The following EXOC4 variants were observed in gnomAD, a reference collection of about 807,000 sequenced individuals.
EXOC4 encodes exocyst complex component 4, also known as SEC8-like 1.
Under a neutral mutation model 107.2 loss-of-function variants are expected in EXOC4, and 71 were observed. That is an observed-to-expected ratio of 0.66 (90% CI 0.55 to 0.81). The LOEUF (loss-of-function observed/expected upper bound fraction) is 0.81. EXOC4 is among the 30% of genes least tolerant of loss of function. The pLI, the probability that EXOC4 is intolerant of heterozygous loss-of-function variation, is 0.00. For synonymous variants in EXOC4, 456 were observed against 441.2 expected, an observed-to-expected ratio of 1.03 and a Z score of -0.42; for missense variants, 1,108 against 1,189.6, an observed-to-expected ratio of 0.93 and a Z score of 1.01.
chr7:133,537,130 A>T (rs902801825), intron 9 of EXOC4, among the ~76,000 whole-genome samples: 1 of 150,956 alleles, frequency 6.6e-6, no homozygotes, highest in Non-Finnish European at 1.5e-5. Flanking sequence ...AATCCTTTAA[A>T]TTCACACTGT....
intron 9 of EXOC4, among the ~76,000 whole-genome samples, chr7:133,571,512 T>C (rs1055607516): frequency 3.9e-5 from 6 of 151,986 alleles, no homozygotes; most frequent in Admixed American, 2.0e-4. Flanking sequence ...CTACTAAATA[T>C]ACAAAAACTT....
chr7:133,977,737 T>TTG (rs767379582), intron 14 of EXOC4, among the ~76,000 whole-genome samples: 168 of 13,602 alleles, frequency 0.012, 1 homozygote, highest in African/African-American at 0.063. Flanking sequence ...GTTTTGTTGT[T>TTG]TTGTGTGTGT....
chr7:133,665,754 G>A (rs192158491), intron 10 of EXOC4, among the ~76,000 whole-genome samples: 1 of 152,158 alleles, frequency 6.6e-6, no homozygotes, highest in Admixed American at 6.6e-5. Context: ...TAAAACCCTG[G>A]TATGACTCTT....
At chr7:133,332,724 G>A (rs1035158781) in intron 5 of EXOC4, among the ~76,000 whole-genome samples, 4 of 152,228 alleles carry the variant, frequency 2.6e-5, no homozygotes, top group East Asian at 1.9e-4. Context: ...ACAGTTATTT[G>A]CCCTCTTTTT....
At chr7:133,982,614 G>A (rs1417494053) in intron 14 of EXOC4, among the ~76,000 whole-genome samples, 1 of 152,164 alleles carries the variant, frequency 6.6e-6, no homozygotes, top group Non-Finnish European at 1.5e-5. Flanking sequence ...CCTTTATTGA[G>A]GAGGAGGAGG....
intron 10 of EXOC4, among the ~76,000 whole-genome samples, chr7:133,634,226 A>C (rs536605019): frequency 2.4e-4 from 36 of 152,292 alleles, no homozygotes; most frequent in African/African-American, 8.4e-4. Flanking sequence ...ATCACTAGGA[A>C]ATCTCACAGG....
intron 12 of EXOC4, among the ~76,000 whole-genome samples, chr7:133,899,962 G>A (rs779033064): frequency 4.6e-5 from 7 of 152,024 alleles, no homozygotes; most frequent in Non-Finnish European, 8.8e-5. Context: ...GGCCAGGCTG[G>A]TCTCGATCGA....
At chr7:133,779,974 T>C (rs891671756) in intron 10 of EXOC4, among the ~76,000 whole-genome samples, 1 of 152,090 alleles carries the variant, frequency 6.6e-6, no homozygotes, top group Non-Finnish European at 1.5e-5. Flanking sequence ...GGTTGGCAGC[T>C]CCATTCTTTA....
chr7:133,789,736 A>G (rs779627927), intron 10 of EXOC4, among the ~76,000 whole-genome samples: 3 of 152,182 alleles, frequency 2.0e-5, no homozygotes, highest in Admixed American at 6.6e-5. Flanking sequence ...TTTGGTGTCA[A>G]TTGCAGGGTA....
intron 14 of EXOC4, among the ~76,000 whole-genome samples, chr7:133,983,348 G>T (rs1440182546): frequency 1.3e-5 from 2 of 152,126 alleles, no homozygotes; most frequent in Admixed American, 6.6e-5. Flanking sequence ...TTTCAACTTA[G>T]ATCCAAATTT....
intron 10 of EXOC4, among the ~76,000 whole-genome samples, chr7:133,805,231 TC>T (rs1797046816): frequency 6.6e-6 from 1 of 152,214 alleles, no homozygotes; most frequent in Non-Finnish European, 1.5e-5. Flanking sequence ...TTTGAAGTGG[TC>T]CTTGAAGAAA....
chr7:133,672,448 T>G (rs1309859843), intron 10 of EXOC4, among the ~76,000 whole-genome samples: 1 of 152,050 alleles, frequency 6.6e-6, no homozygotes, highest in Non-Finnish European at 1.5e-5. Context: ...TTATCTTATT[T>G]AATCTTAATT....
intron 6 of EXOC4, 152 bp from the exon 7 acceptor site, chr7:133,374,676 G>A (rs977780224): frequency 8.7e-6 from 5 of 576,230 alleles, no homozygotes; most frequent in African/African-American, 1.9e-5. Flanking sequence ...AGATAATACA[G>A]TTGTTTGAAT....
chr7:133,607,144 A>G (rs1036921517), intron 9 of EXOC4, among the ~76,000 whole-genome samples: 5 of 152,234 alleles, frequency 3.3e-5, no homozygotes, highest in African/African-American at 1.2e-4. Flanking sequence ...CTGAGACACT[A>G]GTAAATATGG....
intron 9 of EXOC4, among the ~76,000 whole-genome samples, chr7:133,505,259 T>C (rs1165962726): frequency 1.3e-5 from 2 of 152,148 alleles, no homozygotes; most frequent in African/African-American, 4.8e-5. Flanking sequence ...AAATGAGTTC[T>C]TAATGATTCC....
intron 14 of EXOC4, among the ~76,000 whole-genome samples, chr7:133,939,043 T>A (rs935625385): frequency 1.3e-5 from 2 of 151,946 alleles, no homozygotes. Context: ...AGCAAGCACG[T>A]CCAGACCAAA....
At chr7:133,297,021 A>G (rs1794535285) in intron 3 of EXOC4, among the ~76,000 whole-genome samples, 1 of 152,140 alleles carries the variant, frequency 6.6e-6, no homozygotes, top group Non-Finnish European at 1.5e-5. Context: ...AGCAAAACTT[A>G]TTGTCCTTGT....
intron 9 of EXOC4, chr7:133,576,533 G>A (rs1398130543): frequency 2.1e-5 from 27 of 1,289,324 alleles, no homozygotes; most frequent in Non-Finnish European, 2.6e-5. Flanking sequence ...TTTAGTAACA[G>A]CAAGCAAAAC....
intron 2 of EXOC4, among the ~76,000 whole-genome samples, chr7:133,284,188 T>C (rs1794223121): frequency 6.6e-6 from 1 of 152,186 alleles, no homozygotes; most frequent in Admixed American, 6.5e-5. Flanking sequence ...ATTGCACATA[T>C]CCTAGTGTGA....
Sources: allele counts gnomAD v4.1 joint callset (sites outside exome capture counted in the v4.1 genomes callset), GRCh38; gene constraint gnomAD v4.1.1; transcripts MANE v1.5; gene names NCBI Gene and HGNC (gene_info 2026-07-23, HGNC 2026-07-21).